PDE1A: variants seen among roughly 807,000 people sequenced by gnomAD.
PDE1A encodes the protein dual specificity calcium/calmodulin-dependent 3',5'-cyclic nucleotide phosphodiesterase 1A.
In PDE1A, 35 loss-of-function variants were observed where a neutral mutation model predicts 61.7. That is an observed-to-expected ratio of 0.57 (90% CI 0.43 to 0.75). The LOEUF (loss-of-function observed/expected upper bound fraction) is 0.75. Among genes scored for constraint, PDE1A ranks in the 30% least tolerant of loss-of-function variants. The pLI is 0.00. For synonymous variants in PDE1A, 232 were observed against 213.2 expected (o/e 1.09, Z -0.77); for missense variants, 597 against 630.6 (o/e 0.95, Z 0.57).
At chr2:182,651,330 G>T in the PDE1A span, among the ~76,000 whole-genome samples, 1 of 152,112 alleles carries the variant, frequency 6.6e-6, no homozygotes, top group Non-Finnish European at 1.5e-5. Context: ...GCCAAATTAG[G>T]GGGGTAGATA....
At chr2:182,359,418 T>C (rs1337003082) in intron 1 of PDE1A, among the ~76,000 whole-genome samples, 1 of 152,130 alleles carries the variant, frequency 6.6e-6, no homozygotes, top group Non-Finnish European at 1.5e-5. Context: ...AACGTAAAAC[T>C]GCTTTTAGAG....
intron 1 of PDE1A, among the ~76,000 whole-genome samples, chr2:182,315,767 G>A (rs1235942752): frequency 9.2e-5 from 14 of 152,170 alleles, no homozygotes; most frequent in Non-Finnish European, 5.9e-5. Flanking sequence ...CACAGAGTAG[G>A]AGAGAGAAAT....
chr2:182,425,044 C>T (rs1182084677), intron 1 of PDE1A, among the ~76,000 whole-genome samples: 1 of 152,166 alleles, frequency 6.6e-6, no homozygotes, highest in African/African-American at 2.4e-5. Context: ...TCCACCTTCC[C>T]CATAGCACCT....
upstream of PDE1A, among the ~76,000 whole-genome samples, chr2:182,428,073 A>C (rs1199542993): frequency 6.6e-6 from 1 of 152,164 alleles, no homozygotes. Context: ...GAAGAGAGTT[A>C]TAAGGGAATC....
chr2:182,467,324 G>C (rs968952545), intron 2 of PDE1A, among the ~76,000 whole-genome samples: 3 of 151,864 alleles, frequency 2.0e-5, no homozygotes, highest in African/African-American at 7.2e-5. Context: ...GCACCTAAAT[G>C]AAAGGGGAAA....
chr2:182,399,558 C>T (rs753289614), intron 1 of PDE1A, among the ~76,000 whole-genome samples: 2 of 152,054 alleles, frequency 1.3e-5, no homozygotes, highest in Non-Finnish European at 2.9e-5. Flanking sequence ...TCCCTCTAAG[C>T]TTATCAATTG....
At chr2:182,582,747 A>C in the PDE1A span, among the ~76,000 whole-genome samples, 1 of 152,214 alleles carries the variant, frequency 6.6e-6, no homozygotes. Context: ...AGACCCAGTT[A>C]TAAGAAACTT....
intron 13 of PDE1A, among the ~76,000 whole-genome samples, chr2:182,151,581 C>T (rs1157693768): frequency 2.6e-5 from 4 of 152,164 alleles, no homozygotes; most frequent in African/African-American, 7.2e-5. Context: ...GAGTAACCTA[C>T]CCTCACCAAT....
intron 7 of PDE1A, among the ~76,000 whole-genome samples, chr2:182,209,968 G>A (rs746967966): frequency 7.9e-5 from 12 of 152,056 alleles, no homozygotes; most frequent in South Asian, 2.1e-4. Flanking sequence ...TCTTTTCACC[G>A]ATTGATAGCT....
chr2:182,618,968 C>A, the PDE1A span, among the ~76,000 whole-genome samples: 3 of 151,794 alleles, frequency 2.0e-5, no homozygotes, highest in Admixed American at 1.3e-4. Context: ...ATGGCAGTGA[C>A]TCCCAAATTT....
At chr2:182,300,333 G>T (rs1161243582) in intron 1 of PDE1A, among the ~76,000 whole-genome samples, 1 of 152,166 alleles carries the variant, frequency 6.6e-6, no homozygotes, top group Non-Finnish European at 1.5e-5. Flanking sequence ...TTCATGGGAA[G>T]TTCCATATAA....
chr2:182,374,527 T>C (rs1288105407), intron 1 of PDE1A, among the ~76,000 whole-genome samples: 2 of 151,956 alleles, frequency 1.3e-5, no homozygotes, highest in Non-Finnish European at 2.9e-5. Context: ...AAAAATACCA[T>C]TAAGAAAATA....
intron 1 of PDE1A, among the ~76,000 whole-genome samples, chr2:182,270,830 C>T (rs1389495158): frequency 6.6e-6 from 1 of 151,554 alleles, no homozygotes; most frequent in African/African-American, 2.4e-5. Context: ...TCAGTAAGTC[C>T]TGCTTGACTC....
intron 2 of PDE1A, among the ~76,000 whole-genome samples, chr2:182,441,557 T>G (rs141008798): frequency 9.0e-4 from 137 of 152,016 alleles, no homozygotes; most frequent in African/African-American, 3.2e-3. Flanking sequence ...CTATGTCCAG[T>G]GAGAGGAGCA....
At chr2:182,172,882 G>T (rs1234689472) in intron 13 of PDE1A, among the ~76,000 whole-genome samples, 3 of 152,020 alleles carry the variant, frequency 2.0e-5, no homozygotes, top group Non-Finnish European at 2.9e-5. Flanking sequence ...TGTGTGAAGA[G>T]TAACCTTAAG....
At chr2:182,627,262 TATATATAAATA>T in the PDE1A span, among the ~76,000 whole-genome samples, 6 of 100,904 alleles carry the variant, frequency 5.9e-5, no homozygotes, top group African/African-American at 8.2e-5. Context: ...ATATATTATT[TATATATAAATA>T]ATATATAAAA....
At chr2:182,444,003 A>G (rs1354247715) in intron 2 of PDE1A, among the ~76,000 whole-genome samples, 1 of 152,012 alleles carries the variant, frequency 6.6e-6, no homozygotes, top group Non-Finnish European at 1.5e-5. Flanking sequence ...GCGCCCGGCC[A>G]AACTTCTTTT....
upstream of PDE1A, among the ~76,000 whole-genome samples, chr2:182,430,829 C>A (rs1384791785): frequency 1.6e-5 from 2 of 124,636 alleles, no homozygotes; most frequent in East Asian, 2.5e-4. Context: ...AAATTGGAAA[C>A]CATCATTCTC....
In PDE1A at chr2:182,433,584, T is replaced by C. The variant is rs188136423; in HGVS notation, c.101+88692A>G. 6.0e-3 allele frequency among the ~76,000 whole-genome samples: 914 copies of C among 152,192 alleles called. 6 individuals are homozygous for C. Among genetic ancestry groups the C allele is most frequent in the Middle Eastern group, 0.014 (4 of 294 alleles). ...AATATTGTCTTAAAGGGGCTCAAAA[T>C]TTCCATTTAGGTTTTCAAAACTGGC... On this transcript the variant is annotated intron_variant, in intron 2 of 14. Transcript: ENST00000410103.
Sources: gnomAD v4.1 joint callset for allele counts (sites outside exome capture counted in the v4.1 genomes callset) on GRCh38, gnomAD v4.1.1 for gene constraint, MANE v1.5 for transcripts, NCBI Gene and HGNC (gene_info 2026-07-23, HGNC 2026-07-21) for gene names.